ADK: variants seen among roughly 807,000 people sequenced by gnomAD.
ADK encodes N6,N6-dimethyladenosine kinase.
In ADK, 24 loss-of-function variants were observed where a neutral mutation model predicts 44.7. The ratio of observed to expected loss-of-function variants is 0.54; its 90% CI spans 0.39 to 0.76. The LOEUF is 0.76. ADK is among the 30% of genes least tolerant of loss of function. The pLI, the probability that ADK is intolerant of heterozygous loss-of-function variation, is 0.00. For missense variants in ADK, 321 were observed against 425.1 expected (o/e 0.76, Z 2.15); for synonymous variants, 128 against 142.6 (o/e 0.90, Z 0.73).
chr10:74,707,763 C>CAAAAA (rs565886417), intron 10 of ADK, among the ~76,000 whole-genome samples: 2 of 104,046 alleles, frequency 1.9e-5, no homozygotes, highest in African/African-American at 7.8e-5. Flanking sequence ...AACTCCACCT[C>CAAAAA]AAAAAAAAAA....
intron 9 of ADK, among the ~76,000 whole-genome samples, chr10:74,609,620 T>C (rs2133990137): frequency 1.3e-5 from 2 of 152,258 alleles, no homozygotes; most frequent in Middle Eastern, 6.8e-3. Flanking sequence ...GTTGGAAATG[T>C]AGAAATTACC....
chr10:74,236,482 A>C (rs924493942), intron 3 of ADK, among the ~76,000 whole-genome samples: 3 of 152,224 alleles, frequency 2.0e-5, no homozygotes, highest in Non-Finnish European at 4.4e-5. Context: ...ACAGACGTAC[A>C]GTGTGTATTG....
At chr10:74,384,281 A>T (rs574090936) in intron 4 of ADK, among the ~76,000 whole-genome samples, 3 of 152,312 alleles carry the variant, frequency 2.0e-5, no homozygotes, top group South Asian at 2.1e-4. Flanking sequence ...CAACTCTTTT[A>T]AAAAAGCCAA....
At chr10:74,558,130 G>T (rs1024145890) in intron 7 of ADK, among the ~76,000 whole-genome samples, 8 of 152,180 alleles carry the variant, frequency 5.3e-5, no homozygotes, top group African/African-American at 1.9e-4. Context: ...AGCAGTCAGA[G>T]TTCAGTCTTC....
intron 6 of ADK, among the ~76,000 whole-genome samples, chr10:74,469,505 G>A (rs974054194): frequency 6.6e-6 from 1 of 152,036 alleles, no homozygotes; most frequent in Non-Finnish European, 1.5e-5. Flanking sequence ...TAGGACTACA[G>A]GCACACACCA....
intron 3 of ADK, among the ~76,000 whole-genome samples, chr10:74,241,677 C>T (rs576420967): frequency 2.0e-5 from 3 of 152,132 alleles, no homozygotes; most frequent in South Asian, 2.1e-4. Context: ...TGAGACACTG[C>T]GCCCAGCCGA....
chr10:74,518,448 T>C (rs1848682297), intron 6 of ADK, among the ~76,000 whole-genome samples: 3 of 152,340 alleles, frequency 2.0e-5, no homozygotes, highest in Middle Eastern at 3.4e-3. Flanking sequence ...TTGAGCCTTC[T>C]GTCTACTCAA....
intron 3 of ADK, among the ~76,000 whole-genome samples, chr10:74,242,606 C>G (rs746626929): frequency 6.6e-6 from 1 of 151,902 alleles, no homozygotes; most frequent in African/African-American, 2.4e-5. Context: ...CTGGTGAAAC[C>G]CCACCTCCAA....
At chr10:74,621,399 T>G in intron 9 of ADK, among the ~76,000 whole-genome samples, 1 of 152,246 alleles carries the variant, frequency 6.6e-6, no homozygotes, top group East Asian at 1.9e-4. Flanking sequence ...GATTAATTTC[T>G]GAGTTCTCTA....
At chr10:74,542,776 A>C (rs938395096) in intron 7 of ADK, among the ~76,000 whole-genome samples, 1 of 152,172 alleles carries the variant, frequency 6.6e-6, no homozygotes, top group African/African-American at 2.4e-5. Context: ...GAAAGGTAGC[A>C]CACTATAGAT....
At chr10:74,587,369 T>C (rs1851564237) in intron 7 of ADK, among the ~76,000 whole-genome samples, 1 of 152,342 alleles carries the variant, frequency 6.6e-6, no homozygotes, top group African/African-American at 2.4e-5. Flanking sequence ...GTCAGGCTTA[T>C]GTTTCTCTAG....
At chr10:74,675,195 G>C (rs1855342886) in intron 10 of ADK, among the ~76,000 whole-genome samples, 1 of 152,070 alleles carries the variant, frequency 6.6e-6, no homozygotes, top group Non-Finnish European at 1.5e-5. Flanking sequence ...TAAATTTCAA[G>C]TTTTGGATAA....
Position 74,456,315 on chromosome 10 carries a change from A to G in ADK, c.555+57736A>G, listed in dbSNP as rs570048540. Among the ~76,000 whole-genome samples the G allele has an allele frequency of 1.1e-3, 174 of 152,240 alleles. 1 individual carries two copies. The highest frequency in any genetic ancestry group is 2.2e-3 in the Non-Finnish European group (148 of 68,006). ...TAAAACACTCCTCAGCACAAGCAAA[A>G]TAATAGAAATCATAAAAAACACTTT... On this transcript the variant is annotated intron_variant, in intron 6 of 10. Transcript: ENST00000539909.
chr10:74,419,631 A>G (rs763582933), intron 6 of ADK, among the ~76,000 whole-genome samples: 2 of 152,162 alleles, frequency 1.3e-5, no homozygotes, highest in Non-Finnish European at 2.9e-5. Flanking sequence ...TATAAGTATG[A>G]TGAAATTTTG....
At chr10:74,344,814 G>T in intron 4 of ADK, 3 of 180,794 alleles carry the variant, frequency 1.7e-5, no homozygotes, top group Non-Finnish European at 3.5e-5. Context: ...ATATTCTTTT[G>T]GTACATTTAT....
chr10:74,295,305 T>C (rs1439597106), intron 3 of ADK, among the ~76,000 whole-genome samples: 1 of 150,964 alleles, frequency 6.6e-6, no homozygotes, highest in Non-Finnish European at 1.5e-5. Context: ...CTACTAAAAA[T>C]ACAAAAATTA....
intron 7 of ADK, among the ~76,000 whole-genome samples, chr10:74,546,269 G>A (rs112886437): frequency 0.03 from 4,517 of 152,230 alleles, 193 homozygotes; most frequent in African/African-American, 0.091. Flanking sequence ...CTGGAACTTA[G>A]TACTGTTTTT....
intron 4 of ADK, among the ~76,000 whole-genome samples, chr10:74,320,138 TG>T (rs1840760439): frequency 6.6e-6 from 1 of 152,210 alleles, no homozygotes; most frequent in Non-Finnish European, 1.5e-5. Flanking sequence ...TAGCATTTTG[TG>T]TAGGGCAGGT....
chr10:74,654,256 C>T lies in ADK; in HGVS notation c.878-15927C>T, dbSNP rs140880213. ...TTTAGAATACCAATAATGTCCTACT[C>T]CTGAAATAATTGGGACCAGGCCGCT... is the stretch of plus-strand genomic sequence containing the variant. On this transcript the variant is annotated intron_variant, in intron 9 of 10. Transcript: ENST00000539909. 2.3e-4 allele frequency among the ~76,000 whole-genome samples: 35 copies of T among 152,302 alleles called. 2 individuals carry two copies. Among genetic ancestry groups the T allele is most frequent in the African/African-American group, 7.0e-4 (29 of 41,558 alleles).
Sources: allele counts gnomAD v4.1 joint callset (sites outside exome capture counted in the v4.1 genomes callset), GRCh38; gene constraint gnomAD v4.1.1; transcripts MANE v1.5; gene names NCBI Gene and HGNC (gene_info 2026-07-23, HGNC 2026-07-21).